SLC30A4: variants seen among roughly 807,000 people sequenced by gnomAD.
SLC30A4 encodes the protein solute carrier family 30 member 4.
SLC30A4 carries 20 observed loss-of-function variants against 41.7 expected under a neutral mutation model. The ratio of observed to expected loss-of-function variants is 0.48; its 90% CI spans 0.34 to 0.70. The LOEUF (loss-of-function observed/expected upper bound fraction) is 0.70. Among genes scored for constraint, SLC30A4 ranks in the 30% least tolerant of loss-of-function variants. The pLI, the probability that SLC30A4 is intolerant of heterozygous loss-of-function variation, is 0.01. For synonymous variants in SLC30A4, 181 were observed against 195.9 expected (o/e 0.92, Z 0.64); for missense variants, 441 against 529.3 (o/e 0.83, Z 1.64).
chr15:45,499,883 A>G (rs945173590), intron 3 of SLC30A4, among the ~76,000 whole-genome samples: 4 of 152,232 alleles, frequency 2.6e-5, no homozygotes, highest in Non-Finnish European at 5.9e-5. Context: ...GATTTTATAC[A>G]ATCTATGGTC....
rs758975819 is a variant in SLC30A4, at chr15:45,489,052, A to G, written c.693-10T>C. 5.7e-6 allele frequency: 9 copies of G among 1,586,836 alleles called. No individual in the cohort carries two copies. The highest frequency in any genetic ancestry group is 4.3e-6 in the Non-Finnish European group (5 of 1,164,282). On this transcript the variant is annotated splice_polypyrimidine_tract_variant and intron_variant, in intron 4 of 7. Coordinates refer to ENST00000261867, the MANE Select transcript of SLC30A4 (RefSeq NM_013309.6). ...CAACAGAAACCCCATTCTGTTAAAAATAAAAGAAAACATTATTATTTTTCC... is the reference window on the plus strand; with the variant it reads ...CAACAGAAACCCCATTCTGTTAAAAGTAAAAGAAAACATTATTATTTTTCC...
In SLC30A4 at chr15:45,522,264, A is replaced by G; in HGVS notation, c.91T>C (p.Phe31Leu). ...CCCTCGTCCCCCGCCTCATCCGAGA[A>G]GTCAAAGGCGCTGGTGTCATTTAAA... is the stretch of plus-strand genomic sequence containing the variant. ...LFLNDTSAFD[F>L]SDEAGDEGLS... Residue 31 changes from phenylalanine (F) to leucine (L), a missense_variant, in exon 2 of 8, where the codon TTC becomes CTC. Transcript: ENST00000261867. 6.2e-7 allele frequency: 1 copy of G among 1,614,160 alleles called. No homozygotes were observed.
intron 2 of SLC30A4, among the ~76,000 whole-genome samples, chr15:45,514,787 T>C (rs1422854676): frequency 6.6e-6 from 1 of 152,098 alleles, no homozygotes; most frequent in Non-Finnish European, 1.5e-5. Flanking sequence ...AGTGCTAGGA[T>C]TACAGGCATG....
chr15:45,490,477 G>C (rs1032258760), intron 4 of SLC30A4, among the ~76,000 whole-genome samples: 1 of 152,086 alleles, frequency 6.6e-6, no homozygotes, highest in South Asian at 2.1e-4. Context: ...TAACACAAAA[G>C]TATTCTAAAA....
intron 2 of SLC30A4, among the ~76,000 whole-genome samples, chr15:45,520,247 CTTATTTAT>C (rs753757048): frequency 6.6e-6 from 1 of 151,228 alleles, no homozygotes; most frequent in East Asian, 1.9e-4. Context: ...ATTTTTATTA[CTTATTTAT>C]TTATTTATTA....
intron 2 of SLC30A4, among the ~76,000 whole-genome samples, chr15:45,511,776 T>C (rs141156988): frequency 1.7e-3 from 261 of 152,332 alleles, no homozygotes; most frequent in African/African-American, 6.1e-3. Context: ...AGCCAATGTG[T>C]CCAGCCAGAA....
At chr15:45,518,951 T>A (rs1566883974) in intron 2 of SLC30A4, among the ~76,000 whole-genome samples, 1 of 152,046 alleles carries the variant, frequency 6.6e-6, no homozygotes, top group Non-Finnish European at 1.5e-5. Flanking sequence ...ATATTTTATT[T>A]AATGTAGTCT....
rs1176766860 is a variant in SLC30A4, at chr15:45,481,467, G to A, written c.*3696C>T. On this transcript the variant is annotated 3_prime_UTR_variant, in exon 8 of 8. Coordinates refer to ENST00000261867, the MANE Select transcript of SLC30A4 (RefSeq NM_013309.6). ...ATCTGGCCATAGTTGTGAAACACAC[G>A]TTTATGTACACAAGTAACTCTGATT... 1.3e-5 allele frequency: 2 copies of A among 152,308 alleles called. No individual in the cohort carries two copies. Among genetic ancestry groups the A allele is most frequent in the Admixed American group, 6.5e-5 (1 of 15,296 alleles). The allele number at this position is 152,308 out of a possible 1,614,324, so 9.4% of individuals were successfully genotyped here.
chr15:45,517,745 G>A (rs1165908555), intron 2 of SLC30A4, among the ~76,000 whole-genome samples: 6 of 151,758 alleles, frequency 4.0e-5, no homozygotes, highest in Non-Finnish European at 8.8e-5. Flanking sequence ...TCAGGAGATT[G>A]AGACCATCCT....
rs1891579809 is a variant in SLC30A4, at chr15:45,479,874, T to G, written c.*5289A>C. The G allele has an allele frequency of 6.6e-6, 1 of 151,668 alleles. No homozygotes were observed. Among genetic ancestry groups the G allele is most frequent in the Non-Finnish European group, 1.5e-5 (1 of 67,918 alleles). 9.4% of individuals were successfully genotyped at this position (151,668 alleles called of 1,614,324 possible). A position where few individuals can be genotyped will look rare whatever the true frequency, so the allele number is the denominator to read the frequency against. ...ATATATATATATACTTTGATCTTAATTAACATGGACAAACCCCAGCTTCAA... is the reference window on the plus strand; with the variant it reads ...ATATATATATATACTTTGATCTTAAGTAACATGGACAAACCCCAGCTTCAA... On this transcript the variant is annotated 3_prime_UTR_variant, in exon 8 of 8. Transcript: ENST00000261867.
chr15:45,512,657 T>A (rs759763032), intron 2 of SLC30A4, among the ~76,000 whole-genome samples: 3 of 152,218 alleles, frequency 2.0e-5, no homozygotes, highest in Non-Finnish European at 2.9e-5. Context: ...TTTTGGAATC[T>A]CAGAAAGTCT....
chr15:45,490,983 G>T, intron 3 of SLC30A4, 102 bp from the exon 4 acceptor site: 1 of 738,396 alleles, frequency 1.4e-6, no homozygotes, highest in Non-Finnish European at 2.1e-6. Context: ...TTCCTCTAAG[G>T]AGATAAAAGC....
Position 45,521,997 on chromosome 15 carries a change from G to T in SLC30A4, c.358C>A (p.Leu120Met). The T allele has an allele frequency of 6.2e-7, 1 of 1,614,220 alleles. No individual in the cohort carries two copies. The highest frequency in any genetic ancestry group is 8.5e-7 in the Non-Finnish European group (1 of 1,180,020). The change falls in exon 2 of 8, where the codon CTG becomes ATG. Residue 120 changes from leucine (L) to methionine (M), a missense_variant. Physicochemically the swap from Leu to Met is conservative, Grantham distance 15. This residue lies in a region of SLC30A4 where 312 missense variants were observed against 341.9 expected (regional missense o/e 0.91). Coordinates refer to ENST00000261867, the MANE Select transcript of SLC30A4 (RefSeq NM_013309.6). ...VKARLTIAAV[L>M]YLLFMIGELV... ...TCTCCAATCATGAAAAGCAAGTACA[G>T]AACGGCAGCAATGGTCAACCTGGCT...
chr15:45,522,572 G>A, intron 1 of SLC30A4, 35 bp downstream of exon 1: 1 of 488,750 alleles, frequency 2.0e-6, no homozygotes, highest in South Asian at 3.9e-5. Flanking sequence ...CGCTCCGCCG[G>A]GGCTCCGCGA....
Position 45,480,265 on chromosome 15 carries a change from G to C in SLC30A4, c.*4898C>G, listed in dbSNP as rs1891584392. The C allele has an allele frequency of 6.6e-6, 1 of 152,144 alleles. No homozygotes were observed. The highest frequency in any genetic ancestry group is 1.5e-5 in the Non-Finnish European group (1 of 68,024). 9.4% of individuals were successfully genotyped at this position (152,144 alleles called of 1,614,324 possible). A position where few individuals can be genotyped will look rare whatever the true frequency, so the allele number is the denominator to read the frequency against. ...TCAGAATTCAGTGACTGGCAGGCCTGAGTGCACACATGTAATTCAATACTG... is the reference window on the plus strand; with the variant it reads ...TCAGAATTCAGTGACTGGCAGGCCTCAGTGCACACATGTAATTCAATACTG... On this transcript the variant is annotated 3_prime_UTR_variant, in exon 8 of 8. Coordinates refer to ENST00000261867, the MANE Select transcript of SLC30A4 (RefSeq NM_013309.6).
rs1156962411 is a variant in SLC30A4, at chr15:45,522,001, G to A, written c.354C>T (p.Ala118=). The change falls in exon 2 of 8, where the codon GCC becomes GCT. Residue 118 remains alanine, a synonymous_variant. Transcript: ENST00000261867. ...CAATCATGAAAAGCAAGTACAGAACGGCAGCAATGGTCAACCTGGCTTTCA... is the reference window on the plus strand; with the variant it reads ...CAATCATGAAAAGCAAGTACAGAACAGCAGCAATGGTCAACCTGGCTTTCA... ...RKVKARLTIA[A]VLYLLFMIGE... The A allele has an allele frequency of 2.5e-6, 4 of 1,614,052 alleles. No individual in the cohort carries two copies. Among genetic ancestry groups the A allele is most frequent in the Admixed American group, 1.7e-5 (1 of 60,006 alleles).
rs1344449566 is a variant in SLC30A4, at chr15:45,485,324, T to C, written c.1136-7A>G. 5.0e-6 allele frequency: 8 copies of C among 1,597,464 alleles called. No homozygotes were observed. The highest frequency in any genetic ancestry group is 6.8e-6 in the Non-Finnish European group (8 of 1,169,544). ...TTAGATGAACTTCCAGGAACTGCAA[T>C]GTCAAGAAAATATCATTACTATCCA... On this transcript the variant is annotated splice_region_variant and splice_polypyrimidine_tract_variant and intron_variant, in intron 7 of 7. Coordinates refer to ENST00000261867, the MANE Select transcript of SLC30A4 (RefSeq NM_013309.6).
At chr15:45,486,590 C>T in intron 7 of SLC30A4, 21 bp downstream of exon 7, 1 of 1,570,536 alleles carries the variant, frequency 6.4e-7, no homozygotes, top group Non-Finnish European at 8.6e-7. Flanking sequence ...CCCAGGCCCA[C>T]ATTTACTACC....
Position 45,485,167 on chromosome 15 carries a change from G to T in SLC30A4, c.1286C>A (p.Pro429His). 1 of 1,609,428 alleles carries T rather than the reference G, an allele frequency of 6.2e-7. No individual in the cohort carries two copies. The highest frequency in any genetic ancestry group is 1.7e-5 in the Admixed American group (1 of 58,968). Reference protein sequence around the residue: ...RTCANCQSSSP With the variant: ...RTCANCQSSSH ...GAGTTCCCAAAATACATAAAATTAGGGACTAGAACTCTGACAATTTGCACA... is the reference window on the plus strand; with the variant it reads ...GAGTTCCCAAAATACATAAAATTAGTGACTAGAACTCTGACAATTTGCACA... The change falls in exon 8 of 8, where the codon CCC becomes CAC. Residue 429 changes from proline to histidine, a missense_variant. Physicochemically the swap from Pro to His is moderately conservative, Grantham distance 77. Around this residue, in one of 3 missense-constraint regions of SLC30A4, gnomAD observed 100 missense variants for 121.0 expected, o/e 0.83. Transcript: ENST00000261867.
Sources: gnomAD v4.1 joint callset for allele counts (sites outside exome capture counted in the v4.1 genomes callset) on GRCh38, gnomAD v4.1.1 for gene constraint, gnomAD v4.1.1 regional missense constraint, MANE v1.5 for transcripts, NCBI Gene and HGNC (gene_info 2026-07-23, HGNC 2026-07-21) for gene names.